Variants in AQR observed in about 807,000 individuals in gnomAD.
AQR encodes the protein RNA helicase aquarius.
Under a neutral mutation model 180.5 loss-of-function variants are expected in AQR, and 61 were observed. The observed-to-expected ratio is 0.34, with a 90% confidence interval of 0.28 to 0.42. The LOEUF is 0.42. AQR is among the 10% of genes least tolerant of loss of function. AQR has a pLI of 1.00. For missense variants in AQR, 1,281 were observed against 1,798.3 expected (o/e 0.71, Z 5.20); for synonymous variants, 551 against 588.8 (o/e 0.94, Z 0.93).
intron 1 of AQR, among the ~76,000 whole-genome samples, chr15:34,967,884 G>A (rs925571819): frequency 3.3e-5 from 5 of 152,078 alleles, no homozygotes; most frequent in Non-Finnish European, 5.9e-5. Flanking sequence ...TGCGATCTTG[G>A]CTCATTGCAA....
At chr15:34,949,251 C>T (rs74515578) in intron 4 of AQR, among the ~76,000 whole-genome samples, 1 of 119,870 alleles carries the variant, frequency 8.3e-6, no homozygotes, top group East Asian at 2.6e-4. Flanking sequence ...CCACCTCAGC[C>T]TCCCAAAGTG....
At chr15:34,934,277 AATACT>A (rs1386929434) in intron 10 of AQR, among the ~76,000 whole-genome samples, 6 of 148,798 alleles carry the variant, frequency 4.0e-5, no homozygotes, top group African/African-American at 9.8e-5. Flanking sequence ...TATTGTATAC[AATACT>A]ATATTATTAT....
At chr15:34,916,898 A>C (rs201826543) in intron 15 of AQR, among the ~76,000 whole-genome samples, 16,756 of 121,240 alleles carry the variant, frequency 0.14, 1,222 homozygotes, top group East Asian at 0.29. Flanking sequence ...AAAAAAAAAA[A>C]AAAGAAAGAA....
At position 34,960,870 on chromosome 15, in the gene AQR, T is replaced by C. The variant is rs1241292473; in HGVS notation, c.133-56A>G. The stretch of plus-strand genomic sequence containing the variant: ...CTCAACAACTTTTTTCAACCCTAAA[T>C]TGACAGTTTTTAATGAGTGAGATTA... On this transcript the variant is annotated intron_variant, in intron 2 of 34. Coordinates refer to ENST00000156471, the MANE Select transcript of AQR (RefSeq NM_014691.3). The C allele has an allele frequency of 1.6e-5, 10 of 636,618 alleles. No individual in the cohort carries two copies. In the South Asian group the frequency reaches 1.9e-4, roughly 12 times the overall value. 39.4% of individuals were successfully genotyped at this position (636,618 alleles called of 1,614,324 possible). A position where few individuals can be genotyped will look rare whatever the true frequency, so the allele number is the denominator to read the frequency against.
chr15:34,884,604 T>G lies in AQR; in HGVS notation c.2948A>C (p.Lys983Thr). The G allele has an allele frequency of 6.2e-7, 1 of 1,602,110 alleles. No individual in the cohort carries two copies. Among genetic ancestry groups the G allele is most frequent in the Non-Finnish European group, 8.5e-7 (1 of 1,177,260 alleles). The stretch of plus-strand genomic sequence containing the variant: ...CATGTCTTCTTCATAAGATCTTCCT[T>G]TAAAAATGGGTTGAGGAGCATTTGC... Reference protein sequence around the residue: ...YFANAPQPIFKGRSYEEDMEI... With the variant: ...YFANAPQPIFTGRSYEEDMEI... The change falls in exon 26 of 35, where the codon AAA (lysine) becomes ACA (threonine). Residue 983 changes from lysine (K) to threonine (T), a missense_variant. Physicochemically the swap from Lys to Thr is moderately conservative, Grantham distance 78. Transcript: ENST00000156471.
At chr15:34,889,731 C>T (rs969777606) in intron 24 of AQR, among the ~76,000 whole-genome samples, 14 of 152,066 alleles carry the variant, frequency 9.2e-5, no homozygotes, top group African/African-American at 3.1e-4. Flanking sequence ...AATGCAATGG[C>T]GCAATCTTGG....
chr15:34,918,398 T>C lies in AQR; in HGVS notation c.1222-20A>G. ...AGATACCTAAAATAAAGGAAACAAG[T>C]TCATGCAGAAGGTTAGAAGCATCTT... On this transcript the variant is annotated intron_variant, in intron 14 of 34. Coordinates refer to ENST00000156471, the MANE Select transcript of AQR (RefSeq NM_014691.3). The C allele has an allele frequency of 6.2e-7, 1 of 1,610,012 alleles. No homozygotes were observed. The highest frequency in any genetic ancestry group is 1.1e-5 in the South Asian group (1 of 90,046).
intron 14 of AQR, 130 bp downstream of exon 14, chr15:34,920,202 C>A: frequency 9.7e-6 from 6 of 618,784 alleles, no homozygotes; most frequent in South Asian, 2.3e-5. Flanking sequence ...AATACAATTC[C>A]AAAAACAAAA....
chr15:34,867,031 C>G (rs1892745723), intron 32 of AQR, among the ~76,000 whole-genome samples: 2 of 152,042 alleles, frequency 1.3e-5, no homozygotes, highest in Admixed American at 1.3e-4. Flanking sequence ...TTCCGTAAAT[C>G]TCTAGCACAT....
At chr15:34,895,677 C>G (rs1054878017) in intron 22 of AQR, among the ~76,000 whole-genome samples, 1 of 152,034 alleles carries the variant, frequency 6.6e-6, no homozygotes, top group Non-Finnish European at 1.5e-5. Context: ...GTGTGAAGCA[C>G]TTATCCATGA....
At chr15:34,885,922 C>T (rs2140469010) in intron 25 of AQR, among the ~76,000 whole-genome samples, 1 of 152,190 alleles carries the variant, frequency 6.6e-6, no homozygotes, top group South Asian at 2.1e-4. Flanking sequence ...CAATTATGTC[C>T]TAGTCCATTT....
At chr15:34,883,898 C>T (rs746227211) in intron 26 of AQR, among the ~76,000 whole-genome samples, 1 of 152,152 alleles carries the variant, frequency 6.6e-6, no homozygotes, top group Non-Finnish European at 1.5e-5. Context: ...AATCAATCAT[C>T]CTGGCTACTA....
At position 34,906,630 on chromosome 15, in the gene AQR, A is replaced by C; in HGVS notation, c.1746T>G (p.Pro582=). 1 of 1,614,122 alleles carries C rather than the reference A, an allele frequency of 6.2e-7. No individual in the cohort carries two copies. Among genetic ancestry groups the C allele is most frequent in the South Asian group, 1.1e-5 (1 of 91,086 alleles). Residue 582 remains proline, a synonymous_variant, in exon 18 of 35, where the codon CCT becomes CCG. Coordinates refer to ENST00000156471, the MANE Select transcript of AQR (RefSeq NM_014691.3). ...PYGTKFDRRR[P]FIEQVGLVYV... is the part of the protein sequence containing the mutation. ...AAACCAGGCCAACCTGCTCAATAAA[A>C]GGTCTCCTCCGGTCAAACTTAGTGC...
chr15:34,864,251 T>C (rs1892712774), intron 32 of AQR, among the ~76,000 whole-genome samples: 1 of 152,118 alleles, frequency 6.6e-6, no homozygotes, highest in African/African-American at 2.4e-5. Flanking sequence ...GCATATGCTA[T>C]CACTTATATT....
intron 27 of AQR, among the ~76,000 whole-genome samples, chr15:34,879,906 A>T (rs1729654399): frequency 6.6e-6 from 1 of 152,162 alleles, no homozygotes; most frequent in Admixed American, 6.5e-5. Context: ...CTGAATGTGG[A>T]GAAGTCTGGC....
intron 3 of AQR, among the ~76,000 whole-genome samples, chr15:34,955,383 G>T (rs965308700): frequency 6.6e-6 from 1 of 152,124 alleles, no homozygotes; most frequent in Non-Finnish European, 1.5e-5. Flanking sequence ...CCACACAAAT[G>T]AGAGTTCTTT....
chr15:34,857,704 T>C (rs1242000174), intron 34 of AQR, among the ~76,000 whole-genome samples: 1 of 151,946 alleles, frequency 6.6e-6, no homozygotes, highest in African/African-American at 2.4e-5. Context: ...TGAGTTGAGA[T>C]TGTGTCACTG....
chr15:34,882,915 T>C (rs528355803), intron 26 of AQR, among the ~76,000 whole-genome samples: 2 of 152,334 alleles, frequency 1.3e-5, no homozygotes, highest in South Asian at 2.1e-4. Flanking sequence ...ATTGTACCTG[T>C]ATTACTCAAC....
chr15:34,895,551 GA>G (rs2140473965), intron 22 of AQR, among the ~76,000 whole-genome samples: 1 of 151,952 alleles, frequency 6.6e-6, no homozygotes, highest in East Asian at 1.9e-4. Context: ...CTGCAGTAAC[GA>G]TATTAATATC....
Sources: allele counts gnomAD v4.1 joint callset (sites outside exome capture counted in the v4.1 genomes callset), GRCh38; gene constraint gnomAD v4.1.1; transcripts MANE v1.5; gene names NCBI Gene and HGNC (gene_info 2026-07-23, HGNC 2026-07-21).